FAM114A2: variants seen among roughly 807,000 people sequenced by gnomAD.
FAM114A2 encodes family with sequence similarity 114 member A2, also known as protein FAM114A2.
In FAM114A2, 53 loss-of-function variants were observed where a neutral mutation model predicts 58.4. The ratio of observed to expected loss-of-function variants is 0.91; its 90% CI spans 0.73 to 1.14. FAM114A2 has a LOEUF of 1.14. Ranked by LOEUF, FAM114A2 falls within the 50% of genes most tolerant of loss-of-function variation. The probability of loss-of-function intolerance (pLI) is 0.00; values close to 1 mark genes in which losing one functional copy is unlikely to be tolerated. For missense variants in FAM114A2, 601 were observed against 581.1 expected, an observed-to-expected ratio of 1.03 and a Z score of -0.35; for synonymous variants, 228 against 211.4, an observed-to-expected ratio of 1.08 and a Z score of -0.68.
chr5:154,021,698 A>AT (rs2113404778), intron 8 of FAM114A2, among the ~76,000 whole-genome samples: 1 of 152,342 alleles, frequency 6.6e-6, no homozygotes, highest in African/African-American at 2.4e-5. Flanking sequence ...GGAAGAATCA[A>AT]TATCGTGAAA....
chr5:153,999,035 T>C (rs978308128), intron 11 of FAM114A2, among the ~76,000 whole-genome samples: 1 of 152,174 alleles, frequency 6.6e-6, no homozygotes, highest in African/African-American at 2.4e-5. Context: ...AGTTTTGCTG[T>C]TGCACCACTA....
chr5:154,019,679 A>G (rs895036568), intron 8 of FAM114A2, among the ~76,000 whole-genome samples: 5 of 152,198 alleles, frequency 3.3e-5, no homozygotes, highest in Admixed American at 3.3e-4. Context: ...TAGTATAAAA[A>G]CAGGCACGTA....
In FAM114A2 at chr5:153,994,920, T is replaced by A; in HGVS notation, c.1382A>T (p.Glu461Val). 1 of 1,591,680 alleles carries A rather than the reference T, an allele frequency of 6.3e-7. No individual in the cohort carries two copies. Among genetic ancestry groups the A allele is most frequent in the Non-Finnish European group, 8.6e-7 (1 of 1,159,826 alleles). ...LNPLITAVFL[E>V]ASNSASYIQD... ...AGAGACTTAAAAACAATTACTAACCTCTAGAAATACTGCAGTGATTAATGG... is the reference window on the plus strand; with the variant it reads ...AGAGACTTAAAAACAATTACTAACCACTAGAAATACTGCAGTGATTAATGG... Residue 461 changes from glutamate to valine, a missense_variant and splice_region_variant, in exon 13 of 14, where the codon GAG (glutamate) becomes GTG (valine). By Grantham distance (121) the Glu-to-Val change is moderately radical. Coordinates refer to ENST00000351797, the MANE Select transcript of FAM114A2 (RefSeq NM_018691.4).
At chr5:154,035,589 C>A (rs940130161) in intron 1 of FAM114A2, among the ~76,000 whole-genome samples, 1 of 152,122 alleles carries the variant, frequency 6.6e-6, no homozygotes, top group Non-Finnish European at 1.5e-5. Context: ...ATTTATCCAT[C>A]GAAGGATATC....
At chr5:154,016,679 T>G (rs1272118973) in intron 8 of FAM114A2, among the ~76,000 whole-genome samples, 1 of 151,376 alleles carries the variant, frequency 6.6e-6, no homozygotes, top group Non-Finnish European at 1.5e-5. Flanking sequence ...AGAACTTACT[T>G]AAAGCATAAA....
At position 154,006,846 on chromosome 5, in the gene FAM114A2, G is replaced by A. The variant is rs1440762053; in HGVS notation, c.994-3877C>T. 2.0e-5 allele frequency among the ~76,000 whole-genome samples: 3 copies of A among 149,422 alleles called. 1 individual carries two copies. The highest frequency in any genetic ancestry group is 7.4e-5 in the African/African-American group (3 of 40,472). The stretch of plus-strand genomic sequence containing the variant: ...GAGTCTCACTCTGTCGCCCAAGCTG[G>A]AGTGCAGTGGCATGATCTCAGCTCA... On this transcript the variant is annotated intron_variant, in intron 9 of 13. Coordinates refer to ENST00000351797, the MANE Select transcript of FAM114A2 (RefSeq NM_018691.4).
intron 2 of FAM114A2, 57 bp downstream of exon 2, chr5:154,034,687 C>T (rs1772427029): frequency 7.7e-7 from 1 of 1,296,016 alleles, no homozygotes; most frequent in South Asian, 1.2e-5. Context: ...TTAGCCCCAA[C>T]ATTTTTTAAT....
Position 153,992,367 on chromosome 5 carries a change from T to A in FAM114A2, c.*609A>T, listed in dbSNP as rs567109745. ...GGCACTTTGCTACAGTTAATTCACA[T>A]GGCTATAATAGTCTACAAGTTTCTC... is the stretch of plus-strand genomic sequence containing the variant. On this transcript the variant is annotated 3_prime_UTR_variant, in exon 14 of 14. Coordinates refer to ENST00000351797, the MANE Select transcript of FAM114A2 (RefSeq NM_018691.4). The A allele has an allele frequency of 3.3e-5, 5 of 152,312 alleles. No individual in the cohort carries two copies. Among genetic ancestry groups the A allele is most frequent in the East Asian group, 1.9e-4 (1 of 5,186 alleles). The allele number at this position is 152,312 out of a possible 1,614,324, so 9.4% of individuals were successfully genotyped here.
intron 4 of FAM114A2, among the ~76,000 whole-genome samples, chr5:154,030,040 A>G (rs553096426): frequency 6.6e-6 from 1 of 152,314 alleles, no homozygotes; most frequent in South Asian, 2.1e-4. Flanking sequence ...ATCATTCTAT[A>G]TAGAATGTTT....
Position 153,994,945 on chromosome 5 carries a change from G to A in FAM114A2, c.1357C>T (p.Pro453Ser). 2 of 1,608,922 alleles carry A rather than the reference G, an allele frequency of 1.2e-6. No homozygotes were observed. Among genetic ancestry groups the A allele is most frequent in the East Asian group, 4.5e-5 (2 of 44,730 alleles). Residue 453 changes from proline to serine, a missense_variant, in exon 13 of 14, where the codon CCA (proline) becomes TCA (serine). By Grantham distance (74) the Pro-to-Ser change is moderately conservative. Transcript: ENST00000351797. ...TCTAGAAATACTGCAGTGATTAATG[G>A]GTTAAGGACATCTGCCATTTCTTTG... Reference protein sequence around the residue: ...GVKEMADVLNPLITAVFLEAS... With the variant: ...GVKEMADVLNSLITAVFLEAS...
At chr5:154,018,312 G>A (rs908313879) in intron 8 of FAM114A2, among the ~76,000 whole-genome samples, 3 of 152,068 alleles carry the variant, frequency 2.0e-5, no homozygotes, top group Admixed American at 1.3e-4. Flanking sequence ...AAACCTAGAG[G>A]AGACGGATAA....
intron 11 of FAM114A2, among the ~76,000 whole-genome samples, chr5:154,001,308 T>C (rs557069976): frequency 1.2e-4 from 19 of 152,196 alleles, no homozygotes; most frequent in African/African-American, 4.1e-4. Flanking sequence ...ATTTTAGACT[T>C]TGTGGTGAAG....
chr5:154,003,980 C>T (rs1224244708), intron 9 of FAM114A2, among the ~76,000 whole-genome samples: 1 of 152,110 alleles, frequency 6.6e-6, no homozygotes. Context: ...CATTGTGTTG[C>T]AACTGCCTAC....
chr5:154,029,437 A>C, intron 5 of FAM114A2, 52 bp downstream of exon 5: 1 of 990,906 alleles, frequency 1.0e-6, no homozygotes, highest in Middle Eastern at 2.1e-4. Flanking sequence ...AAGATATGCA[A>C]ACCCATTATA....
At chr5:154,013,349 T>C (rs1770823820) in intron 8 of FAM114A2, among the ~76,000 whole-genome samples, 1 of 152,150 alleles carries the variant, frequency 6.6e-6, no homozygotes, top group Non-Finnish European at 1.5e-5. Context: ...ATAACCAACA[T>C]CATAACCAGA....
chr5:154,029,420 A>G, intron 5 of FAM114A2, 69 bp downstream of exon 5: 1 of 898,248 alleles, frequency 1.1e-6, no homozygotes, highest in Non-Finnish European at 1.8e-6. Flanking sequence ...CAAAGAAAAG[A>G]GAGAGAAAGA....
chr5:154,028,108 A>G, intron 6 of FAM114A2, 41 bp downstream of exon 6: 1 of 1,543,764 alleles, frequency 6.5e-7, no homozygotes, highest in South Asian at 1.2e-5. Flanking sequence ...AATACAGATC[A>G]AAACAGAAAC....
intron 8 of FAM114A2, among the ~76,000 whole-genome samples, chr5:154,011,570 C>T (rs2113321731): frequency 6.6e-6 from 1 of 152,242 alleles, no homozygotes; most frequent in South Asian, 2.1e-4. Flanking sequence ...GTGATAAAGG[C>T]TTGAAGACAT....
Position 154,028,173 on chromosome 5 carries a change from C to T in FAM114A2, c.606G>A (p.Met202Ile), listed in dbSNP as rs1771925988. 6.2e-7 allele frequency: 1 copy of T among 1,612,352 alleles called. No individual in the cohort carries two copies. The highest frequency in any genetic ancestry group is 1.1e-5 in the South Asian group (1 of 90,910). ...CCTGAGATAGTGTAGCATTTCGGTTCATCAGACCCTTGGTTCTTTTAAATC... is the reference window on the plus strand; with the variant it reads ...CCTGAGATAGTGTAGCATTTCGGTTTATCAGACCCTTGGTTCTTTTAAATC... ...DPGFKRTKGL[M>I]NRNATLSQVL... is the part of the protein sequence containing the mutation. The change falls in exon 6 of 14, where the codon ATG becomes ATA. Residue 202 changes from methionine (M) to isoleucine (I), a missense_variant. Met to Ile is a conservative substitution (Grantham distance 10). Transcript: ENST00000351797.
Sources: gnomAD v4.1 joint callset for allele counts (sites outside exome capture counted in the v4.1 genomes callset) on GRCh38, gnomAD v4.1.1 for gene constraint, MANE v1.5 for transcripts, NCBI Gene and HGNC (gene_info 2026-07-23, HGNC 2026-07-21) for gene names.